The following ACSM4 variants were observed in gnomAD, a reference collection of about 807,000 sequenced individuals.
The protein encoded by ACSM4 is acyl-coenzyme A synthetase ACSM4, mitochondrial.
A neutral mutation model predicts 73.0 loss-of-function variants in ACSM4; 66 were observed. The observed-to-expected ratio is 0.90, with a 90% CI of 0.74 to 1.11. The LOEUF is 1.11. Ranked by LOEUF, ACSM4 falls within the 50% of genes least tolerant of loss-of-function variation. ACSM4 has a pLI of 0.00. For missense variants in ACSM4, 645 were observed against 714.4 expected, an observed-to-expected ratio of 0.90 and a Z score of 1.11; for synonymous variants, 222 against 254.0, an observed-to-expected ratio of 0.87 and a Z score of 1.20.
Position 7,304,228 on chromosome 12 carries a change from A to G in ACSM4, c.-104A>G, listed in dbSNP as rs1946348265. On this transcript the variant is annotated 5_prime_UTR_variant, in exon 1 of 13. Transcript: ENST00000399422. ...ACACACAGCCACAAATCCACCTCCC[A>G]GTCTCACCACAGAGCATCAAGAAAC... 7.4e-6 allele frequency: 9 copies of G among 1,219,384 alleles called. No individual in the cohort carries two copies. Among genetic ancestry groups the G allele is most frequent in the Admixed American group, 4.0e-5 (2 of 49,854 alleles). 75.5% of individuals were successfully genotyped at this position (1,219,384 alleles called of 1,614,324 possible).
chr12:7,307,457 G>T (rs1016450911), intron 2 of ACSM4, among the ~76,000 whole-genome samples: 2 of 151,886 alleles, frequency 1.3e-5, no homozygotes, highest in Non-Finnish European at 1.5e-5. Context: ...AATATATTTG[G>T]ATTCTCCCTA....
intron 9 of ACSM4, 28 bp downstream of exon 9, chr12:7,323,588 C>T: frequency 1.3e-6 from 2 of 1,580,022 alleles, no homozygotes; most frequent in South Asian, 2.2e-5. Flanking sequence ...GCTGGTCATG[C>T]TTAATACAGA....
At chr12:7,319,755 A>G (rs990207357) in intron 5 of ACSM4, among the ~76,000 whole-genome samples, 1 of 152,164 alleles carries the variant, frequency 6.6e-6, no homozygotes, top group Admixed American at 6.5e-5. Flanking sequence ...ATAAATGTAC[A>G]CTAACCTAAG....
In ACSM4 at chr12:7,324,368, C is replaced by A; in HGVS notation, c.1404C>A (p.Val468=). ...VMDSDGYFWF[V]GRADDVIISS... ...ACAGTGATGGGTATTTCTGGTTTGT[C>A]GGCAGAGCTGATGATGTCATTATAT... The change falls in exon 10 of 13, where the codon GTC becomes GTA. Residue 468 remains valine, a synonymous_variant. Transcript: ENST00000399422. 6.2e-7 allele frequency: 1 copy of A among 1,614,030 alleles called. No individual in the cohort carries two copies. Among genetic ancestry groups the A allele is most frequent in the South Asian group, 1.1e-5 (1 of 91,062 alleles).
chr12:7,306,671 G>C lies in ACSM4; in HGVS notation c.340G>C (p.Gly114Arg), dbSNP rs1169485226. 1.2e-6 allele frequency: 2 copies of C among 1,611,210 alleles called. No individual in the cohort carries two copies. The highest frequency in any genetic ancestry group is 1.3e-5 in the African/African-American group (1 of 74,834). ...CACCAAGCCCTGTGGCCTGCAGAGA[G>C]GAGACCGTTTGGCCGTGATTCTGCC... is the stretch of plus-strand genomic sequence containing the variant. ...VLTKPCGLQR[G>R]DRLAVILPRI... Residue 114 changes from glycine (G) to arginine (R), a missense_variant, in exon 2 of 13, where the codon GGA becomes CGA. Coordinates refer to ENST00000399422, the MANE Select transcript of ACSM4 (RefSeq NM_001080454.2).
chr12:7,327,069 A>T lies in ACSM4; in HGVS notation c.1630A>T (p.Thr544Ser). The change falls in exon 12 of 13, where the codon ACT (threonine) becomes TCT (serine). Residue 544 changes from threonine to serine, a missense_variant. Thr to Ser is a moderately conservative substitution (Grantham distance 58, BLOSUM62 1). Coordinates refer to ENST00000399422, the MANE Select transcript of ACSM4 (RefSeq NM_001080454.2). The stretch of plus-strand genomic sequence containing the variant: ...ACTTCAGGATCATGTGAAAAAATCA[A>T]CTGCACCTTACAAATATCCAAGAAA... ...LELQDHVKKS[T>S]APYKYPRKVE... The T allele has an allele frequency of 6.2e-7, 1 of 1,609,328 alleles. No individual in the cohort carries two copies. The highest frequency in any genetic ancestry group is 1.3e-5 in the African/African-American group (1 of 74,978).
intron 9 of ACSM4, 68 bp from the exon 10 acceptor site, chr12:7,324,204 AC>A (rs926693201): frequency 2.2e-5 from 35 of 1,565,974 alleles, no homozygotes; most frequent in Non-Finnish European, 1.2e-5. Context: ...TGTACTAGTC[AC>A]TTAATGAGTG....
chr12:7,306,863 AAG>A (rs1946365536), intron 2 of ACSM4, 120 bp downstream of exon 2: 5 of 932,600 alleles, frequency 5.4e-6, no homozygotes, highest in Non-Finnish European at 7.8e-6. Context: ...AAAAAAAAAA[AAG>A]AAGAGTTAAG....
chr12:7,319,661 T>C lies in ACSM4; in HGVS notation c.922-1064T>C, dbSNP rs150113575. 7.3e-3 allele frequency among the ~76,000 whole-genome samples: 1,111 copies of C among 151,992 alleles called. 16 individuals are homozygous for C. The highest frequency in any genetic ancestry group is 0.026 in the African/African-American group (1,064 of 41,452). On this transcript the variant is annotated intron_variant, in intron 5 of 12. Transcript: ENST00000399422. Reference sequence around the variant, plus strand: ...TTGCCCCGCCACTCACCTCCTGCTGTGTGGCCCAGTTCCTAATAGGCCACA... The same window carrying C: ...TTGCCCCGCCACTCACCTCCTGCTGCGTGGCCCAGTTCCTAATAGGCCACA...
intron 5 of ACSM4, 109 bp downstream of exon 5, chr12:7,318,291 T>C (rs768782239): frequency 9.8e-6 from 14 of 1,423,602 alleles, no homozygotes; most frequent in Non-Finnish European, 1.3e-5. Context: ...CTTTTGGAAA[T>C]CATTTCTTTA....
At chr12:7,310,055 G>C (rs956962938) in intron 2 of ACSM4, among the ~76,000 whole-genome samples, 6 of 152,190 alleles carry the variant, frequency 3.9e-5, no homozygotes, top group African/African-American at 1.4e-4. Context: ...CCAAAGTGCT[G>C]GGATTACAGG....
At chr12:7,304,577 C>A in intron 1 of ACSM4, 45 bp downstream of exon 1, 1 of 1,558,020 alleles carries the variant, frequency 6.4e-7, no homozygotes, top group Non-Finnish European at 8.8e-7. Context: ...GTCCCCTTAT[C>A]TCTCAGTCTT....
intron 3 of ACSM4, among the ~76,000 whole-genome samples, 165 bp from the exon 4 acceptor site, chr12:7,316,972 C>T (rs1430923465): frequency 2.0e-5 from 3 of 152,162 alleles, no homozygotes; most frequent in Admixed American, 6.5e-5. Flanking sequence ...TTCAAAGTCC[C>T]GCTAAGATTT....
Position 7,310,606 on chromosome 12 carries a change from C to T in ACSM4, c.480C>T (p.Ser160=). 6.2e-7 allele frequency: 1 copy of T among 1,612,982 alleles called. No individual in the cohort carries two copies. Among genetic ancestry groups the T allele is most frequent in the African/African-American group, 1.3e-5 (1 of 75,026 alleles). The change falls in exon 3 of 13, where the codon TCC becomes TCT. Residue 160 remains serine (S), a synonymous_variant. Coordinates refer to ENST00000399422, the MANE Select transcript of ACSM4 (RefSeq NM_001080454.2). ...AKDILYRLRA[S]KAKCIVASEE... ...ACATCCTCTACCGGCTGCGAGCATC[C>T]AAGGCCAAGTGCATTGTGGCCAGTG...
rs1368064488 is a variant in ACSM4, at chr12:7,304,289, G to A, written c.-43G>A. 2 of 1,573,104 alleles carry A rather than the reference G, an allele frequency of 1.3e-6. No individual in the cohort carries two copies. The highest frequency in any genetic ancestry group is 1.7e-6 in the Non-Finnish European group (2 of 1,143,386). On this transcript the variant is annotated 5_prime_UTR_variant, in exon 1 of 13. Coordinates refer to ENST00000399422, the MANE Select transcript of ACSM4 (RefSeq NM_001080454.2). Reference sequence around the variant, plus strand: ...TATCCATCTCTCCCTACAGGCTGTAGTACTTCTGTGTCCATAGCAGTAGAC... The same window carrying A: ...TATCCATCTCTCCCTACAGGCTGTAATACTTCTGTGTCCATAGCAGTAGAC...
intron 1 of ACSM4, among the ~76,000 whole-genome samples, chr12:7,304,891 T>A (rs7304343): frequency 0.17 from 25,988 of 152,176 alleles, 2,338 homozygotes; most frequent in South Asian, 0.28. Context: ...AATACAGTTA[T>A]CATTGGAGTA....
chr12:7,326,923 C>T, intron 11 of ACSM4, 53 bp from the exon 12 acceptor site: 1 of 1,528,188 alleles, frequency 6.5e-7, no homozygotes, highest in Non-Finnish European at 8.8e-7. Context: ...GTTGCAAATC[C>T]TTGATGTGTC....
intron 3 of ACSM4, among the ~76,000 whole-genome samples, chr12:7,312,746 C>T (rs1018511558): frequency 6.6e-6 from 1 of 152,088 alleles, no homozygotes; most frequent in Non-Finnish European, 1.5e-5. Flanking sequence ...AAAACATGTA[C>T]AATTCTTAGC....
chr12:7,313,439 T>C (rs1946401952), intron 3 of ACSM4, among the ~76,000 whole-genome samples: 1 of 152,194 alleles, frequency 6.6e-6, no homozygotes, highest in Admixed American at 6.5e-5. Context: ...TTCGGAAGAC[T>C]ACACACAGCA....
Sources: allele counts gnomAD v4.1 joint callset (sites outside exome capture counted in the v4.1 genomes callset), GRCh38; gene constraint gnomAD v4.1.1; transcripts MANE v1.5; gene names NCBI Gene and HGNC (gene_info 2026-07-23, HGNC 2026-07-21).